ARHGAP24: variants seen among roughly 807,000 people sequenced by gnomAD.
The protein encoded by ARHGAP24 is Rho GTPase activating protein 24, also known as rho GTPase-activating protein 24.
ARHGAP24 carries 50 observed loss-of-function variants against 76.4 expected under a neutral mutation model. That is an observed-to-expected ratio of 0.65 (90% CI 0.52 to 0.83). ARHGAP24 has a LOEUF of 0.83. Ranked by LOEUF, ARHGAP24 falls within the 40% of genes least tolerant of loss-of-function variation. ARHGAP24 has a pLI of 0.00. For missense variants in ARHGAP24, 930 were observed against 914.2 expected (o/e 1.02, Z -0.22); for synonymous variants, 345 against 323.3 (o/e 1.07, Z -0.72).
At chr4:85,894,436 C>CA (rs1734024226) in intron 3 of ARHGAP24, among the ~76,000 whole-genome samples, 1 of 152,134 alleles carries the variant, frequency 6.6e-6, no homozygotes, top group South Asian at 2.1e-4. Context: ...GGTGTATAGT[C>CA]AACTCTCTCT....
intron 3 of ARHGAP24, among the ~76,000 whole-genome samples, chr4:85,734,970 C>T (rs758554569): frequency 2.6e-5 from 4 of 152,132 alleles, no homozygotes; most frequent in Non-Finnish European, 5.9e-5. Context: ...TTTCCTAATA[C>T]CAAGTATACA....
intron 3 of ARHGAP24, among the ~76,000 whole-genome samples, chr4:85,861,063 T>C (rs1389721619): frequency 6.6e-6 from 1 of 151,498 alleles, no homozygotes; most frequent in Non-Finnish European, 1.5e-5. Flanking sequence ...TTCACTAGAT[T>C]AAATGATTTC....
chr4:85,667,747 C>T (rs932780528), intron 2 of ARHGAP24, among the ~76,000 whole-genome samples: 3 of 152,104 alleles, frequency 2.0e-5, no homozygotes, highest in African/African-American at 4.8e-5. Context: ...TATCCAGTAT[C>T]ATAAAGAATT....
chr4:85,902,636 C>A (rs1261911924), intron 3 of ARHGAP24, among the ~76,000 whole-genome samples: 1 of 152,184 alleles, frequency 6.6e-6, no homozygotes, highest in Non-Finnish European at 1.5e-5. Flanking sequence ...CGGAGTCTCA[C>A]TCTGTTGCCC....
chr4:85,755,626 G>GTTTTTTTTTT lies in ARHGAP24; in HGVS notation c.268+33658_268+33659insTTTTTTTTTT, dbSNP rs111410344. Among the ~76,000 whole-genome samples the GTTTTTTTTTT allele has an allele frequency of 3.4e-3, 403 of 117,330 alleles. 107 individuals are homozygous for GTTTTTTTTTT. The highest frequency in any genetic ancestry group is 0.016 in the Middle Eastern group (3 of 190). The allele number at this position is 117,330 out of a possible 152,430, so 77.0% of individuals were successfully genotyped here. A position where few individuals can be genotyped will look rare whatever the true frequency, so the allele number is the denominator to read the frequency against. ...TTCTATGGGAAGCTTCTATTCTTTT[G>GTTTTTTTTTT]TTTTGTTTTGTTTTGTTTTGTTTTG... On this transcript the variant is annotated intron_variant, in intron 3 of 9. Transcript: ENST00000395184.
At chr4:85,643,116 T>C (rs1721586607) in intron 2 of ARHGAP24, among the ~76,000 whole-genome samples, 1 of 152,102 alleles carries the variant, frequency 6.6e-6, no homozygotes. Context: ...TGTTACTTTC[T>C]TAAGGAAAGT....
chr4:85,871,725 G>A (rs1447834104), intron 3 of ARHGAP24, among the ~76,000 whole-genome samples: 1 of 152,100 alleles, frequency 6.6e-6, no homozygotes, highest in African/African-American at 2.4e-5. Flanking sequence ...CCTTGGAAGA[G>A]GCCCATGCAA....
intron 3 of ARHGAP24, among the ~76,000 whole-genome samples, chr4:85,855,772 G>GAAAAAAAAA (rs11406317): frequency 7.1e-5 from 10 of 140,824 alleles, no homozygotes; most frequent in Non-Finnish European, 9.2e-5. Context: ...AAGCAAAAAA[G>GAAAAAAAAA]AAAAAAAAAA....
chr4:85,762,484 C>A (rs1381688990), intron 3 of ARHGAP24, among the ~76,000 whole-genome samples: 1 of 152,140 alleles, frequency 6.6e-6, no homozygotes, highest in Admixed American at 6.5e-5. Context: ...CATAAGCTAA[C>A]AAATATTATT....
At chr4:85,992,819 C>T (rs1053154630) in intron 8 of ARHGAP24, among the ~76,000 whole-genome samples, 2 of 151,902 alleles carry the variant, frequency 1.3e-5, no homozygotes, top group Non-Finnish European at 2.9e-5. Context: ...TGTCTTTTTT[C>T]ACAATTCTGT....
chr4:85,923,648 G>A lies in ARHGAP24; in HGVS notation c.269G>A (p.Gly90Glu), dbSNP rs372112160. Residue 90 changes from glycine to glutamate, a missense_variant and splice_region_variant, in exon 4 of 10, where the codon GGA (glycine) becomes GAA (glutamate). Coordinates refer to ENST00000395184, the MANE Select transcript of ARHGAP24 (RefSeq NM_001025616.3). ...PGKFLFEVVP[G>E]GDRDRMTANH... is the part of the protein sequence containing the mutation. ...CTGCATTGTTACTGTGTTTTCACAG[G>A]AGGCGATCGAGATCGGATGACAGCA... The A allele has an allele frequency of 1.9e-6, 3 of 1,613,434 alleles. No individual in the cohort carries two copies. The African/African-American group carries it at 4.0e-5, about 22-fold the overall frequency.
At chr4:85,642,732 T>C (rs1198108692) in intron 2 of ARHGAP24, among the ~76,000 whole-genome samples, 1 of 152,160 alleles carries the variant, frequency 6.6e-6, no homozygotes, top group Non-Finnish European at 1.5e-5. Flanking sequence ...ACTTCAAAAG[T>C]CCTTTGCTTA....
rs71657503 is a variant in ARHGAP24 at position 85,861,000 on chromosome 4, G to GCGCA, written c.269-62647_269-62646insGCAC. ...AACATATATTATTCTGTGCATGCAC[G>GCGCA]CACACACACACACACACACACACAC... On this transcript the variant is annotated intron_variant, in intron 3 of 9. Transcript: ENST00000395184. Among the ~76,000 whole-genome samples, 491 of 137,510 alleles carry GCGCA rather than the reference G, an allele frequency of 3.6e-3. 2 individuals carry two copies. The highest frequency in any genetic ancestry group is 0.014 in the African/African-American group (462 of 33,882). 90.2% of individuals were successfully genotyped at this position (137,510 alleles called of 152,430 possible). A position where few individuals can be genotyped will look rare whatever the true frequency, so the allele number is the denominator to read the frequency against.
intron 3 of ARHGAP24, among the ~76,000 whole-genome samples, chr4:85,760,693 G>A (rs1211710188): frequency 6.6e-6 from 1 of 152,150 alleles, no homozygotes; most frequent in Non-Finnish European, 1.5e-5. Flanking sequence ...CAAGATGCAA[G>A]AAGAACAGAA....
chr4:85,971,250 A>G (rs1738960453), intron 5 of ARHGAP24, among the ~76,000 whole-genome samples: 1 of 152,228 alleles, frequency 6.6e-6, no homozygotes, highest in Admixed American at 6.5e-5. Context: ...AAATGAGTCC[A>G]ACATTTTGAG....
intron 3 of ARHGAP24, chr4:85,778,941 G>A (rs191922161): frequency 1.8e-3 from 1,749 of 985,402 alleles, no homozygotes; most frequent in Non-Finnish European, 2.0e-3. Flanking sequence ...ACAGCTGTGC[G>A]TAGACCAGAC....
chr4:85,562,193 A>G (rs60617061), intron 1 of ARHGAP24, among the ~76,000 whole-genome samples: 8,409 of 152,298 alleles, frequency 0.055, 752 homozygotes, highest in African/African-American at 0.19. Flanking sequence ...TGCTTTCTAA[A>G]AGAAAATGCT....
At chr4:85,852,727 T>C (rs1418504074) in intron 3 of ARHGAP24, among the ~76,000 whole-genome samples, 1 of 152,206 alleles carries the variant, frequency 6.6e-6, no homozygotes, top group East Asian at 1.9e-4. Context: ...TGCAGGTCTG[T>C]TGGAGTTTGC....
chr4:85,568,787 T>C (rs1186365035), intron 1 of ARHGAP24, among the ~76,000 whole-genome samples: 2 of 152,196 alleles, frequency 1.3e-5, no homozygotes, highest in African/African-American at 4.8e-5. Flanking sequence ...AAGAAGTGCG[T>C]ATTGAATGAG....
Sources: allele counts gnomAD v4.1 joint callset (sites outside exome capture counted in the v4.1 genomes callset), GRCh38; gene constraint gnomAD v4.1.1; transcripts MANE v1.5; gene names NCBI Gene and HGNC (gene_info 2026-07-23, HGNC 2026-07-21).